Variants in HBS1L observed in about 807,000 individuals in gnomAD.
HBS1L encodes HBS1 like translational GTPase.
A neutral mutation model predicts 88.9 loss-of-function variants in HBS1L; 55 were observed. The ratio of observed to expected loss-of-function variants is 0.62; its 90% CI spans 0.50 to 0.77. The LOEUF is 0.77. HBS1L is among the 30% of genes least tolerant of loss of function. The pLI, the probability that HBS1L is intolerant of heterozygous loss-of-function variation, is 0.00. For missense variants in HBS1L, 741 were observed against 829.3 expected (o/e 0.89, Z 1.31); for synonymous variants, 267 against 288.5 (o/e 0.93, Z 0.76).
intron 15 of HBS1L, among the ~76,000 whole-genome samples, chr6:134,975,159 T>C (rs553331161): frequency 2.0e-5 from 3 of 152,174 alleles, no homozygotes; most frequent in Middle Eastern, 3.4e-3. Context: ...CCTTTTACAA[T>C]AGCTACAAAA....
At chr6:134,999,451 T>A (rs1359434577) in intron 5 of HBS1L, among the ~76,000 whole-genome samples, 2 of 144,634 alleles carry the variant, frequency 1.4e-5, no homozygotes, top group Non-Finnish European at 3.0e-5. Flanking sequence ...TTCTTTTCTT[T>A]TTTTTTTTTT....
chr6:135,008,298 A>G (rs1180597045), intron 4 of HBS1L, among the ~76,000 whole-genome samples: 1 of 152,254 alleles, frequency 6.6e-6, no homozygotes, highest in East Asian at 1.9e-4. Context: ...GGGCTACCCA[A>G]CTGATCAAGT....
At chr6:134,972,843 A>C (rs1774528689) in intron 15 of HBS1L, among the ~76,000 whole-genome samples, 1 of 152,230 alleles carries the variant, frequency 6.6e-6, no homozygotes. Context: ...GAGAAATCCA[A>C]ACCAAAACCA....
chr6:134,969,844 C>T (rs1227558979), intron 15 of HBS1L, among the ~76,000 whole-genome samples: 1 of 152,070 alleles, frequency 6.6e-6, no homozygotes, highest in Non-Finnish European at 1.5e-5. Context: ...CAGTGCTTGC[C>T]ATGGTAGAAG....
At chr6:135,038,298 C>T (rs1388811061) in intron 4 of HBS1L, among the ~76,000 whole-genome samples, 12 of 152,122 alleles carry the variant, frequency 7.9e-5, no homozygotes, top group African/African-American at 2.4e-4. Context: ...CTAATTTTCA[C>T]GAATTTAAAA....
At chr6:135,022,852 C>A (rs1218547001) in intron 4 of HBS1L, among the ~76,000 whole-genome samples, 1 of 151,042 alleles carries the variant, frequency 6.6e-6, no homozygotes, top group African/African-American at 2.4e-5. Flanking sequence ...GTAACATAAA[C>A]TTTTCAAATT....
At chr6:134,965,669 A>G (rs1221270083) in intron 17 of HBS1L, among the ~76,000 whole-genome samples, 5 of 152,210 alleles carry the variant, frequency 3.3e-5, no homozygotes, top group Non-Finnish European at 7.4e-5. Flanking sequence ...TTTACACTGA[A>G]GGAGGTAAAT....
chr6:135,020,351 G>A (rs1776038111), intron 4 of HBS1L, among the ~76,000 whole-genome samples: 1 of 151,800 alleles, frequency 6.6e-6, no homozygotes, highest in African/African-American at 2.4e-5. Flanking sequence ...GCATCATATG[G>A]GTTATTTTAC....
intron 4 of HBS1L, among the ~76,000 whole-genome samples, chr6:135,031,433 GCA>G (rs1252880743): frequency 2.0e-5 from 3 of 152,000 alleles, no homozygotes; most frequent in Non-Finnish European, 4.4e-5. Flanking sequence ...CATATTATGT[GCA>G]CACACACATA....
rs1583110083 is a variant in HBS1L at position 135,011,957 on chromosome 6, T to C, written c.431-9115A>G. Among the ~76,000 whole-genome samples the C allele has an allele frequency of 3.1e-5, 4 of 129,376 alleles. No individual in the cohort carries two copies. In the South Asian group the frequency reaches 1.0e-3, roughly 32 times the overall value. The allele number at this position is 129,376 out of a possible 152,430, so 84.9% of individuals were successfully genotyped here. On this transcript the variant is annotated intron_variant, in intron 4 of 17. Coordinates refer to ENST00000367837, the MANE Select transcript of HBS1L (RefSeq NM_006620.4). ...TCCTACAAACTAGTGAGAAAAAAAC[T>C]CCTCAGAAAAAGAAAGTGAACAATA...
intron 10 of HBS1L, among the ~76,000 whole-genome samples, chr6:134,986,528 T>C (rs1319487097): frequency 1.3e-5 from 2 of 152,104 alleles, no homozygotes; most frequent in South Asian, 2.1e-4. Flanking sequence ...GTATTTTGCT[T>C]ACATAAAAAC....
chr6:134,970,619 A>G (rs1050831970), intron 15 of HBS1L, among the ~76,000 whole-genome samples: 1 of 152,220 alleles, frequency 6.6e-6, no homozygotes, highest in African/African-American at 2.4e-5. Flanking sequence ...ATTAAAATCA[A>G]AAAGGTTAAG....
intron 4 of HBS1L, among the ~76,000 whole-genome samples, chr6:135,032,739 G>T (rs1776423776): frequency 6.6e-6 from 1 of 152,182 alleles, no homozygotes; most frequent in South Asian, 2.1e-4. Context: ...TACAAAAAAT[G>T]AGCACCTTAT....
At chr6:135,005,122 TA>T (rs1775574850) in intron 4 of HBS1L, among the ~76,000 whole-genome samples, 1 of 152,142 alleles carries the variant, frequency 6.6e-6, no homozygotes, top group South Asian at 2.1e-4. Context: ...TCACTTTAGA[TA>T]AAAGTCATTG....
At chr6:135,040,737 A>G (rs1776708645) in intron 3 of HBS1L, among the ~76,000 whole-genome samples, 2 of 152,184 alleles carry the variant, frequency 1.3e-5, no homozygotes, top group African/African-American at 4.8e-5. Context: ...TTAGTATTAA[A>G]AGTAATTATT....
At chr6:135,005,107 C>T (rs1432608481) in intron 4 of HBS1L, among the ~76,000 whole-genome samples, 1 of 152,120 alleles carries the variant, frequency 6.6e-6, no homozygotes. Flanking sequence ...TCACTGGTGA[C>T]ATGATCACTT....
chr6:135,005,445 C>A lies in HBS1L; in HGVS notation c.431-2603G>T, dbSNP rs541017202. ...GGAACTGCTCCACAATTCACTGGGG[C>A]TATTATACTACAGATGGTATGTACA... is the stretch of plus-strand genomic sequence containing the variant. On this transcript the variant is annotated intron_variant, in intron 4 of 17. Coordinates refer to ENST00000367837, the MANE Select transcript of HBS1L (RefSeq NM_006620.4). 3.5e-4 allele frequency among the ~76,000 whole-genome samples: 54 copies of A among 152,276 alleles called. No individual in the cohort carries two copies. In the South Asian group the frequency reaches 0.011, roughly 30 times the overall value.
intron 2 of HBS1L, among the ~76,000 whole-genome samples, chr6:135,046,907 AAAGT>A (rs1776929362): frequency 1.3e-5 from 2 of 152,202 alleles, no homozygotes; most frequent in South Asian, 4.1e-4. Context: ...ACTATAGAGG[AAAGT>A]AAGTTTCTTA....
chr6:135,054,162 A>G (rs772409585), intron 1 of HBS1L, among the ~76,000 whole-genome samples: 3 of 152,266 alleles, frequency 2.0e-5, no homozygotes, highest in Admixed American at 6.5e-5. Flanking sequence ...TGCACTAGGT[A>G]TGTATGGACA....
Sources: gnomAD v4.1 joint callset for allele counts (sites outside exome capture counted in the v4.1 genomes callset) on GRCh38, gnomAD v4.1.1 for gene constraint, MANE v1.5 for transcripts, NCBI Gene and HGNC (gene_info 2026-07-23, HGNC 2026-07-21) for gene names.